Variants in UBR1 observed in about 807,000 individuals in gnomAD.
UBR1 encodes E3 ubiquitin-protein ligase UBR1.
A neutral mutation model predicts 242.1 loss-of-function variants in UBR1; 102 were observed. That is an observed-to-expected ratio of 0.42 (90% CI 0.36 to 0.50). UBR1 has a LOEUF of 0.50. Ranked by LOEUF, UBR1 falls within the 20% of genes least tolerant of loss-of-function variation. The pLI, the probability that UBR1 is intolerant of heterozygous loss-of-function variation, is 0.01. For missense variants in UBR1, 1,772 were observed against 2,101.8 expected (o/e 0.84, Z 3.07); for synonymous variants, 675 against 684.8 (o/e 0.99, Z 0.22).
intron 1 of UBR1, among the ~76,000 whole-genome samples, chr15:43,100,695 C>A (rs918687062): frequency 6.6e-6 from 1 of 152,142 alleles, no homozygotes; most frequent in Non-Finnish European, 1.5e-5. Context: ...ATTAGCTGGG[C>A]ATGGTGGCAT....
Position 43,043,196 on chromosome 15 carries a change from A to C in UBR1, c.1849+19T>G. On this transcript the variant is annotated intron_variant, in intron 15 of 46. Coordinates refer to ENST00000290650, the MANE Select transcript of UBR1 (RefSeq NM_174916.3). ...AGAAAGCTAATAGGTATATGCAAAA[A>C]GAAAAAACAAACACTCACCAGCAAG... is the stretch of plus-strand genomic sequence containing the variant. 2 of 1,614,002 alleles carry C rather than the reference A, an allele frequency of 1.2e-6. No individual in the cohort carries two copies. Among genetic ancestry groups the C allele is most frequent in the South Asian group, 1.1e-5 (1 of 91,074 alleles).
chr15:43,077,550 C>G (rs2033922243), intron 3 of UBR1, among the ~76,000 whole-genome samples: 2 of 150,234 alleles, frequency 1.3e-5, no homozygotes, highest in Non-Finnish European at 1.5e-5. Context: ...AAACCAGAGA[C>G]CTTTGTTCAC....
At chr15:43,034,219 G>A (rs1394884791) in intron 19 of UBR1, among the ~76,000 whole-genome samples, 1 of 150,912 alleles carries the variant, frequency 6.6e-6, no homozygotes, top group African/African-American at 2.4e-5. Context: ...CTGGGTGACA[G>A]AGCAACACTC....
chr15:42,985,233 C>A (rs927596865), intron 35 of UBR1, among the ~76,000 whole-genome samples: 2 of 152,154 alleles, frequency 1.3e-5, no homozygotes, highest in African/African-American at 2.4e-5. Context: ...TGCTTCTTCT[C>A]ATTTCAGCAT....
In UBR1 at chr15:42,984,918, T is replaced by A; in HGVS notation, c.4022A>T (p.Lys1341Ile). 6.2e-7 allele frequency: 1 copy of A among 1,611,672 alleles called. No individual in the cohort carries two copies. The highest frequency in any genetic ancestry group is 8.5e-7 in the Non-Finnish European group (1 of 1,178,544). The change falls in exon 36 of 47, where the codon AAA becomes ATA. Residue 1341 changes from lysine (K) to isoleucine (I), a missense_variant. Physicochemically the swap from Lys to Ile is moderately radical, Grantham distance 102 (BLOSUM62 -3). This residue lies in a region of UBR1 where 965 missense variants were observed against 1,079.7 expected (regional missense o/e 0.89). Transcript: ENST00000290650. ...ATTTTGAAGTGCTCCAAACAGAGGTTTTCCTTCATCTCCCAATAGATTTTC... is the reference window on the plus strand; with the variant it reads ...ATTTTGAAGTGCTCCAAACAGAGGTATTCCTTCATCTCCCAATAGATTTTC... Reference protein sequence around the residue: ...AIENLLGDEGKPLFGALQNRQ... With the variant: ...AIENLLGDEGIPLFGALQNRQ...
chr15:43,021,202 T>G, intron 27 of UBR1, 73 bp downstream of exon 27: 1 of 1,260,916 alleles, frequency 7.9e-7, no homozygotes, highest in South Asian at 1.2e-5. Context: ...GTACAGTGGT[T>G]TAACACTGGA....
At chr15:42,990,813 G>C (rs945090755) in intron 33 of UBR1, among the ~76,000 whole-genome samples, 1 of 152,136 alleles carries the variant, frequency 6.6e-6, no homozygotes, top group African/African-American at 2.4e-5. Context: ...CAAGCTGCCT[G>C]GGTTTGAATC....
chr15:43,004,212 ATCT>A (rs1399807684), intron 30 of UBR1, among the ~76,000 whole-genome samples: 2 of 152,180 alleles, frequency 1.3e-5, no homozygotes, highest in Non-Finnish European at 2.9e-5. Context: ...TATTTAAGTG[ATCT>A]TCTATGTTTC....
intron 27 of UBR1, among the ~76,000 whole-genome samples, chr15:43,017,726 C>CT (rs2033048899): frequency 6.6e-6 from 1 of 151,276 alleles, no homozygotes; most frequent in Non-Finnish European, 1.5e-5. Context: ...AGGAGAATCG[C>CT]TTGAACCTGG....
chr15:43,076,533 G>A (rs1275665598), intron 3 of UBR1, among the ~76,000 whole-genome samples: 2 of 150,632 alleles, frequency 1.3e-5, no homozygotes, highest in African/African-American at 4.9e-5. Flanking sequence ...CGTCTGAGAT[G>A]TGGGGAGCGC....
chr15:43,070,237 T>C (rs1452373171), intron 5 of UBR1, among the ~76,000 whole-genome samples: 1 of 133,726 alleles, frequency 7.5e-6, no homozygotes, highest in African/African-American at 2.9e-5. Flanking sequence ...CAGAAATTGC[T>C]GAGTTCTAGC....
intron 40 of UBR1, among the ~76,000 whole-genome samples, chr15:42,969,127 CCCA>C (rs2032160706): frequency 6.6e-6 from 1 of 152,200 alleles, no homozygotes; most frequent in South Asian, 2.1e-4. Flanking sequence ...AATTTACACT[CCCA>C]CCAACAGTGT....
chr15:42,946,726 A>T lies in UBR1; in HGVS notation c.5109-1256T>A, dbSNP rs114698933. ...TATATGTACTTTTGAGATCACTGTC[A>T]GTCTCCTCATTTTCATAAGTCATCA... On this transcript the variant is annotated intron_variant, in intron 46 of 46. Transcript: ENST00000290650. Among the ~76,000 whole-genome samples the T allele has an allele frequency of 6.0e-3, 914 of 152,332 alleles. 8 individuals are homozygous for T. The highest frequency in any genetic ancestry group is 0.021 in the African/African-American group (863 of 41,566).
chr15:42,964,078 T>C, intron 41 of UBR1, 35 bp from the exon 42 acceptor site: 1 of 1,410,636 alleles, frequency 7.1e-7, no homozygotes. Context: ...AATAAGCACA[T>C]TATTCTTACC....
chr15:42,990,711 C>G (rs1191661038), intron 33 of UBR1, among the ~76,000 whole-genome samples: 2 of 152,178 alleles, frequency 1.3e-5, no homozygotes. Flanking sequence ...ATAACAGTAA[C>G]TTTCCCTCTA....
intron 6 of UBR1, among the ~76,000 whole-genome samples, chr15:43,060,520 C>T (rs761438933): frequency 7.2e-5 from 11 of 152,086 alleles, no homozygotes; most frequent in East Asian, 1.9e-4. Flanking sequence ...CATTAACGAG[C>T]GGGAAGTATA....
At chr15:43,101,557 C>A (rs1245223633) in intron 1 of UBR1, among the ~76,000 whole-genome samples, 1 of 152,124 alleles carries the variant, frequency 6.6e-6, no homozygotes, top group East Asian at 1.9e-4. Flanking sequence ...AGGCCAGGTG[C>A]GATGGCTCAC....
At chr15:42,972,806 CAT>C (rs1414452342) in intron 39 of UBR1, among the ~76,000 whole-genome samples, 1 of 152,210 alleles carries the variant, frequency 6.6e-6, no homozygotes, top group Non-Finnish European at 1.5e-5. Flanking sequence ...CTGCTATAAA[CAT>C]CCTTGTGCAC....
chr15:43,026,412 T>C, intron 23 of UBR1, 149 bp downstream of exon 23: 1 of 642,348 alleles, frequency 1.6e-6, no homozygotes, highest in African/African-American at 1.8e-5. Flanking sequence ...CTAGATAAGA[T>C]TATTGATTCA....
Sources: allele counts gnomAD v4.1 joint callset (sites outside exome capture counted in the v4.1 genomes callset), GRCh38; gene constraint gnomAD v4.1.1; regional missense constraint gnomAD v4.1.1; transcripts MANE v1.5; gene names NCBI Gene and HGNC (gene_info 2026-07-23, HGNC 2026-07-21).